Variants in NFAT5 observed in about 807,000 individuals in gnomAD.
The protein encoded by NFAT5 is nuclear factor of activated T cells 5.
NFAT5 carries 31 observed loss-of-function variants against 166.5 expected under a neutral mutation model. That is an observed-to-expected ratio of 0.19 (90% CI 0.14 to 0.25). The LOEUF is 0.25. NFAT5 is among the 10% of genes least tolerant of loss of function. The pLI, the probability that NFAT5 is intolerant of heterozygous loss-of-function variation, is 1.00. For missense variants in NFAT5, 1,449 were observed against 1,821.8 expected (o/e 0.80, Z 3.72); for synonymous variants, 612 against 639.7 (o/e 0.96, Z 0.65).
At chr16:69,626,976 T>A (rs2034487124) in intron 3 of NFAT5, among the ~76,000 whole-genome samples, 1 of 152,064 alleles carries the variant, frequency 6.6e-6, no homozygotes, top group Non-Finnish European at 1.5e-5. Flanking sequence ...TGAAACCTTT[T>A]TATTATATTT....
chr16:69,607,601 T>C (rs2033482828), intron 2 of NFAT5, among the ~76,000 whole-genome samples: 1 of 152,192 alleles, frequency 6.6e-6, no homozygotes, highest in Non-Finnish European at 1.5e-5. Context: ...GATAAATAGG[T>C]GTAGAAGGAT....
chr16:69,647,345 A>C lies in NFAT5; in HGVS notation c.571A>C (p.Ser191Arg). Residue 191 changes from serine (S) to arginine (R), a missense_variant, in exon 4 of 15, where the codon AGT (serine) becomes CGT (arginine). Physicochemically the swap from Ser to Arg is moderately radical, Grantham distance 110 (BLOSUM62 -1). Coordinates refer to ENST00000349945, the MANE Select transcript of NFAT5 (RefSeq NM_138713.4). The surrounding 1 kb of genome is among the most constrained non-coding windows in gnomAD (Gnocchi z 4.8). Reference sequence around the variant, plus strand: ...TGGATTGGAATCTGAGCAGAGCTGCAGTATGTGGATGGAGGATTCCCCCTC... The same window carrying C: ...TGGATTGGAATCTGAGCAGAGCTGCCGTATGTGGATGGAGGATTCCCCCTC... Reference protein sequence around the residue: ...GCGLESEQSCSMWMEDSPSNF... With the variant: ...GCGLESEQSCRMWMEDSPSNF... The C allele has an allele frequency of 6.2e-7, 1 of 1,614,192 alleles. No homozygotes were observed. The highest frequency in any genetic ancestry group is 8.5e-7 in the Non-Finnish European group (1 of 1,180,036).
intron 2 of NFAT5, among the ~76,000 whole-genome samples, chr16:69,620,048 A>C (rs2034129204): frequency 6.6e-6 from 1 of 152,246 alleles, no homozygotes; most frequent in Non-Finnish European, 1.5e-5. Context: ...ATGACTAAAC[A>C]AGCCAACCAG....
intron 2 of NFAT5, among the ~76,000 whole-genome samples, chr16:69,605,774 C>T (rs1029219363): frequency 3.3e-5 from 5 of 151,642 alleles, no homozygotes; most frequent in South Asian, 2.1e-4. Flanking sequence ...ACTGCAGTGG[C>T]GCAATCTCGG....
At position 69,692,813 on chromosome 16, in the gene NFAT5, C is replaced by T. The variant is rs1386063469; in HGVS notation, c.2988C>T (p.Gly996=). 2 of 1,614,100 alleles carry T rather than the reference C, an allele frequency of 1.2e-6. No individual in the cohort carries two copies. The highest frequency in any genetic ancestry group is 1.3e-5 in the African/African-American group (1 of 74,930). Residue 996 remains glycine (G), a synonymous_variant, in exon 13 of 15, where the codon GGC becomes GGT. Coordinates refer to ENST00000349945, the MANE Select transcript of NFAT5 (RefSeq NM_138713.4). ...CCACACAGCAGGTTGCAACCCCTGGCACTACCATGTTTCAGACATCAAGTT... is the reference window on the plus strand; with the variant it reads ...CCACACAGCAGGTTGCAACCCCTGGTACTACCATGTTTCAGACATCAAGTT... ...TTTTQQVATP[G]TTMFQTSSSG...
At chr16:69,656,282 C>CA (rs1230748739) in intron 6 of NFAT5, among the ~76,000 whole-genome samples, 1,412 of 58,788 alleles carry the variant, frequency 0.024, 19 homozygotes, top group East Asian at 0.055. Context: ...CTCTGTCTCA[C>CA]AAAAAAAAAA....
intron 2 of NFAT5, among the ~76,000 whole-genome samples, chr16:69,621,855 C>T (rs1046177400): frequency 5.3e-5 from 8 of 151,954 alleles, no homozygotes; most frequent in East Asian, 1.9e-4. Flanking sequence ...CCCAGCCACT[C>T]GGGAGGCTGC....
intron 2 of NFAT5, among the ~76,000 whole-genome samples, chr16:69,607,416 C>T (rs996951427): frequency 6.6e-6 from 1 of 152,180 alleles, no homozygotes; most frequent in Non-Finnish European, 1.5e-5. Context: ...ACAATAAATA[C>T]TTGAAATGCG....
chr16:69,580,391 C>A (rs148325830), intron 2 of NFAT5, among the ~76,000 whole-genome samples: 1,741 of 151,818 alleles, frequency 0.011, 23 homozygotes, highest in African/African-American at 0.037. Flanking sequence ...ATTAGCCAGG[C>A]TTGGTGGCGT....
At chr16:69,661,569 G>GAAAAAAAAAAAAAAAAAAAAAAAAAAA (rs1187473064) in intron 7 of NFAT5, among the ~76,000 whole-genome samples, 1 of 92,032 alleles carries the variant, frequency 1.1e-5, no homozygotes. Flanking sequence ...AAAAAAAAAG[G>GAAAAAAAAAAAAAAAAAAAAAAAAAAA]AAATTGTTCA....
intron 2 of NFAT5, among the ~76,000 whole-genome samples, chr16:69,587,944 CTTTTTTTTTTT>C (rs61460423): frequency 5.9e-5 from 4 of 68,232 alleles, no homozygotes; most frequent in African/African-American, 1.1e-4. Context: ...ATAGTGCTTT[CTTTTTTTTTTT>C]TTTTTTTTTT....
At chr16:69,624,638 G>A (rs1274351941) in intron 2 of NFAT5, among the ~76,000 whole-genome samples, 1 of 152,038 alleles carries the variant, frequency 6.6e-6, no homozygotes, top group African/African-American at 2.4e-5. Context: ...ATCAAAGTTA[G>A]GATATATACT....
At chr16:69,648,178 A>G (rs2035523495) in intron 4 of NFAT5, 5 of 915,712 alleles carry the variant, frequency 5.5e-6, no homozygotes, top group Non-Finnish European at 6.5e-6. Context: ...CTCCATCTCA[A>G]AAAAAAAAAA....
At position 69,627,321 on chromosome 16, in the gene NFAT5, AACATATATATAT is replaced by A. The variant is rs2034505575; in HGVS notation, c.253+795_253+806del. 2.0e-4 allele frequency among the ~76,000 whole-genome samples: 19 copies of A among 94,180 alleles called. No individual in the cohort carries two copies. The Admixed American group carries it at 2.1e-3, about 10-fold the overall frequency. 61.8% of individuals were successfully genotyped at this position (94,180 alleles called of 152,430 possible). On this transcript the variant is annotated intron_variant, in intron 3 of 14. Transcript: ENST00000349945. The stretch of plus-strand genomic sequence containing the variant: ...AAGTGTGTTTGTTTTAAAAAAAGGA[AACATATATATAT>A]ATATATATATATATATATATATATA...
chr16:69,597,594 CTT>C (rs752838733), intron 2 of NFAT5, among the ~76,000 whole-genome samples: 28 of 138,240 alleles, frequency 2.0e-4, no homozygotes, highest in Admixed American at 2.2e-4. Flanking sequence ...CTAATGTTTT[CTT>C]TTTTTTTTTT....
intron 6 of NFAT5, among the ~76,000 whole-genome samples, chr16:69,657,492 G>A (rs911620576): frequency 1.3e-5 from 2 of 151,264 alleles, no homozygotes; most frequent in Admixed American, 1.3e-4. Flanking sequence ...GGCACGCAGT[G>A]GCTCACACCT....
chr16:69,575,924 A>G (rs768169431), intron 2 of NFAT5, among the ~76,000 whole-genome samples: 19 of 152,256 alleles, frequency 1.2e-4, no homozygotes, highest in Non-Finnish European at 1.9e-4. Context: ...CCAAGGGCAC[A>G]TATCTCGTGG....
At chr16:69,608,153 G>A (rs572002605) in intron 2 of NFAT5, among the ~76,000 whole-genome samples, 6 of 151,292 alleles carry the variant, frequency 4.0e-5, no homozygotes, top group East Asian at 1.9e-4. Flanking sequence ...TCAGGAGTTC[G>A]AGACCAGGCT....
chr16:69,645,144 TACA>T (rs2035383807), intron 3 of NFAT5, among the ~76,000 whole-genome samples: 4 of 152,242 alleles, frequency 2.6e-5, no homozygotes, highest in African/African-American at 7.2e-5. Flanking sequence ...TCAAAGTGGC[TACA>T]AATCAGCTCC....
Sources: allele counts gnomAD v4.1 joint callset (sites outside exome capture counted in the v4.1 genomes callset), GRCh38; gene constraint gnomAD v4.1.1; non-coding constraint Gnocchi (gnomAD v3.1); transcripts MANE v1.5; gene names NCBI Gene and HGNC (gene_info 2026-07-23, HGNC 2026-07-21).